SLC11A1: variants seen among roughly 807,000 people sequenced by gnomAD.
SLC11A1 encodes natural resistance-associated macrophage protein 1.
SLC11A1 carries 59 observed loss-of-function variants against 63.2 expected under a neutral mutation model. That is an observed-to-expected ratio of 0.93 (90% confidence interval 0.76 to 1.16). SLC11A1 has a LOEUF of 1.16. Ranked by LOEUF, SLC11A1 falls within the 50% of genes most tolerant of loss-of-function variation. The pLI, the probability that SLC11A1 is intolerant of heterozygous loss-of-function variation, is 0.00. For missense variants in SLC11A1, 688 were observed against 730.7 expected (o/e 0.94, Z 0.67); for synonymous variants, 305 against 307.8 (o/e 0.99, Z 0.09).
At position 218,387,897 on chromosome 2, in the gene SLC11A1, G is replaced by C. The variant is rs1285929688; in HGVS notation, c.737G>C (p.Gly246Ala). ...CGHPELLQAVGIVGAIIMPHN... is the reference protein window; with the variant it reads ...CGHPELLQAVAIVGAIIMPHN... The stretch of plus-strand genomic sequence containing the variant: ...CACCCCGAGCTGCTGCAGGCGGTGG[G>C]CATTGTTGGCGCCATCATCATGCCC... The change falls in exon 8 of 15, where the codon GGC (glycine) becomes GCC (alanine). Residue 246 changes from glycine (G) to alanine (A), a missense_variant. Transcript: ENST00000233202. 6.2e-7 allele frequency: 1 copy of C among 1,606,122 alleles called. No homozygotes were observed. Among genetic ancestry groups the C allele is most frequent in the East Asian group, 2.2e-5 (1 of 44,550 alleles).
chr2:218,391,321 G>A, intron 10 of SLC11A1, 34 bp downstream of exon 10: 3 of 1,614,086 alleles, frequency 1.9e-6, no homozygotes, highest in Non-Finnish European at 2.5e-6. Flanking sequence ...GCGTGACCCA[G>A]AGAGGCTCCC....
chr2:218,387,698 C>G (rs1696180936), intron 7 of SLC11A1, 66 bp downstream of exon 7: 2 of 1,611,986 alleles, frequency 1.2e-6, no homozygotes, highest in African/African-American at 2.7e-5. Context: ...TTCCCTCTGG[C>G]CGCGGGCTGC....
In SLC11A1 at chr2:218,382,869, T is replaced by G. The variant is rs372033068; in HGVS notation, c.8-91T>G. The G allele has an allele frequency of 2.1e-5, 32 of 1,547,280 alleles. No individual in the cohort carries two copies. The African/African-American group carries it at 4.2e-4, about 20-fold the overall frequency. ...CCAGGGACCTTAGTTTCTCCACTTT[T>G]CCGGGAGGAGGAGGGAAAGGATCAG... On this transcript the variant is annotated intron_variant, in intron 1 of 14. Transcript: ENST00000233202.
rs1373298580 is a variant in SLC11A1, at chr2:218,384,546, T to C, written c.273+181T>C. 2 of 447,742 alleles carry C rather than the reference T, an allele frequency of 4.5e-6. No individual in the cohort carries two copies. The highest frequency in any genetic ancestry group is 2.0e-5 in the African/African-American group (1 of 50,060). 27.7% of individuals were successfully genotyped at this position (447,742 alleles called of 1,614,324 possible). Reference sequence around the variant, plus strand: ...GAAGGTGGGGCATTTGTGTGGGGGGTAGGGGACTGGACTCCTCTCTTTAAA... The same window carrying C: ...GAAGGTGGGGCATTTGTGTGGGGGGCAGGGGACTGGACTCCTCTCTTTAAA... On this transcript the variant is annotated intron_variant, in intron 3 of 14. Coordinates refer to ENST00000233202, the MANE Select transcript of SLC11A1 (RefSeq NM_000578.4). The surrounding 1 kb of genome is among the most constrained non-coding windows in gnomAD (Gnocchi z 4.0).
chr2:218,384,243 G>A lies in SLC11A1; in HGVS notation c.151G>A (p.Gly51Ser), dbSNP rs748941673. 1 of 1,593,884 alleles carries A rather than the reference G, an allele frequency of 6.3e-7. No homozygotes were observed. The highest frequency in any genetic ancestry group is 1.3e-5 in the African/African-American group (1 of 74,566). Residue 51 changes from glycine (G) to serine (S), a missense_variant and splice_region_variant, in exon 3 of 15, where the codon GGC (glycine) becomes AGC (serine). Transcript: ENST00000233202. The surrounding 1 kb of genome is among the most constrained non-coding windows in gnomAD (Gnocchi z 4.0). Reference sequence around the variant, plus strand: ...CTCTACTCCTCCCACCCCCCAACAGGGCACCTTCAGCCTGCGGAAGCTATG... The same window carrying A: ...CTCTACTCCTCCCACCCCCCAACAGAGCACCTTCAGCCTGCGGAAGCTATG... ...EKIPIPDTKP[G>S]TFSLRKLWAF... is the part of the protein sequence containing the mutation.
In SLC11A1 at chr2:218,394,120, CTCCCGT is replaced by C. The variant is rs1696610720; in HGVS notation, c.1318_1323del (p.Pro440_Phe441del). ...CCTAGGCTCCTGCTGCTCTCCCCAG[CTCCCGT>C]TCGCCGTGCTGCCCATCCTCACGTT... On this transcript the variant is annotated inframe_deletion and splice_region_variant, in exon 13 of 15. Transcript: ENST00000233202. The C allele has an allele frequency of 6.2e-7, 1 of 1,613,964 alleles. No individual in the cohort carries two copies. Among genetic ancestry groups the C allele is most frequent in the Non-Finnish European group, 8.5e-7 (1 of 1,179,998 alleles).
Position 218,382,316 on chromosome 2 carries a change from G to C in SLC11A1, c.-53G>C. ...GCCCAGAGAGGGGGTGCAGGCTGAG[G>C]AGCTGCCCAGAGCACCGCTCACACT... On this transcript the variant is annotated 5_prime_UTR_variant, in exon 1 of 15. Transcript: ENST00000233202. 6.2e-7 allele frequency: 1 copy of C among 1,608,666 alleles called. No homozygotes were observed. Among genetic ancestry groups the C allele is most frequent in the Non-Finnish European group, 8.5e-7 (1 of 1,176,834 alleles).
At position 218,382,387 on chromosome 2, in the gene SLC11A1, C is replaced by T. The variant is rs765681345; in HGVS notation, c.7+12C>T. Reference sequence around the variant, plus strand: ...CATTTCAATGACAGGTGAGTAGTGGCCCCTAGGGACAGAGCCTGATTGGGG... The same window carrying T: ...CATTTCAATGACAGGTGAGTAGTGGTCCCTAGGGACAGAGCCTGATTGGGG... On this transcript the variant is annotated intron_variant, in intron 1 of 14. Coordinates refer to ENST00000233202, the MANE Select transcript of SLC11A1 (RefSeq NM_000578.4). 22 of 1,613,158 alleles carry T rather than the reference C, an allele frequency of 1.4e-5. No homozygotes were observed. The highest frequency in any genetic ancestry group is 1.7e-5 in the Non-Finnish European group (20 of 1,179,470).
At chr2:218,390,802 C>T (rs1043545038) in intron 9 of SLC11A1, among the ~76,000 whole-genome samples, 4 of 152,156 alleles carry the variant, frequency 2.6e-5, no homozygotes, top group Non-Finnish European at 5.9e-5. Context: ...GATGCCAGCT[C>T]TTACGAACCT....
At position 218,387,618 on chromosome 2, in the gene SLC11A1, A is replaced by C. The variant is rs765983033; in HGVS notation, c.625A>C (p.Thr209Pro). 1 of 1,614,016 alleles carries C rather than the reference A, an allele frequency of 6.2e-7. No individual in the cohort carries two copies. Residue 209 changes from threonine to proline, a missense_variant, in exon 7 of 15, where the codon ACC (threonine) becomes CCC (proline). Transcript: ENST00000233202. ...FGLLITIMAL[T>P]FGYEYVVARP... Reference sequence around the variant, plus strand: ...ACTCCTTATAACCATTATGGCCTTGACCTTTGGCTATGAGGTAGGAAGCCA... The same window carrying C: ...ACTCCTTATAACCATTATGGCCTTGCCCTTTGGCTATGAGGTAGGAAGCCA...
At chr2:218,387,523 T>A in intron 6 of SLC11A1, 42 bp from the exon 7 acceptor site, 3 of 1,607,266 alleles carry the variant, frequency 1.9e-6, no homozygotes, top group Non-Finnish European at 2.6e-6. Flanking sequence ...TGTCACAGAT[T>A]TTTTTCGTTG....
intron 6 of SLC11A1, 106 bp from the exon 7 acceptor site, chr2:218,387,459 C>T (rs1245336325): frequency 8.7e-7 from 1 of 1,149,404 alleles, no homozygotes; most frequent in Non-Finnish European, 1.3e-6. Flanking sequence ...ATATGTTAAG[C>T]ACTTGGCACT....
At chr2:218,392,094 C>G in intron 11 of SLC11A1, 1 of 389,586 alleles carries the variant, frequency 2.6e-6, no homozygotes, top group Non-Finnish European at 5.1e-6. Flanking sequence ...TTTGAGACGG[C>G]GTTTCGCTCT....
rs1559118300 is a variant in SLC11A1 at position 218,386,727 on chromosome 2, G to C, written c.486G>C (p.Leu162=). Residue 162 remains leucine (L), a synonymous_variant, in exon 5 of 15, where the codon CTG becomes CTC. Transcript: ENST00000233202. ...TCGGCACGGCCATTGCATTCAATCT[G>C]CTCTCAGCTGGACGGTACCACCCCA... is the stretch of plus-strand genomic sequence containing the variant. The part of the protein sequence containing the change: ...EVIGTAIAFN[L]LSAGRIPLWG... 2 of 1,613,672 alleles carry C rather than the reference G, an allele frequency of 1.2e-6. No individual in the cohort carries two copies. The highest frequency in any genetic ancestry group is 2.2e-5 in the East Asian group (1 of 44,868).
At position 218,387,542 on chromosome 2, in the gene SLC11A1, AGTTT is replaced by A. The variant is rs780532947; in HGVS notation, c.572-15_572-12del. The A allele has an allele frequency of 3.1e-5, 50 of 1,611,668 alleles. No individual in the cohort carries two copies. In the Middle Eastern group the frequency reaches 8.2e-4, roughly 27 times the overall value. On this transcript the variant is annotated intron_variant, in intron 6 of 14. Coordinates refer to ENST00000233202, the MANE Select transcript of SLC11A1 (RefSeq NM_000578.4). ...ACAGATTTTTTTCGTTGGTTTGTTT[AGTTT>A]GTTTGTTCTGCTCCGTAGGGCTGCG...
In SLC11A1 at chr2:218,394,196, G is replaced by GC; in HGVS notation, c.1388+3_1388+4insC. 1 of 1,613,996 alleles carries GC rather than the reference G, an allele frequency of 6.2e-7. No homozygotes were observed. On this transcript the variant is annotated splice_donor_region_variant and intron_variant, in intron 13 of 14. Coordinates refer to ENST00000233202, the MANE Select transcript of SLC11A1 (RefSeq NM_000578.4). ...ATGCAGGAGTTTGCCAATGGCCTGT[G>GC]AGTACCCCCTTTCCCAAGTGCTGGA...
intron 11 of SLC11A1, chr2:218,391,878 C>T: frequency 7.5e-6 from 2 of 265,096 alleles, no homozygotes; most frequent in South Asian, 3.5e-5. Flanking sequence ...CTGCCTTGGC[C>T]TCCCAAAGTG....
intron 11 of SLC11A1, chr2:218,392,099 C>T (rs1239917413): frequency 7.4e-6 from 3 of 403,624 alleles, no homozygotes; most frequent in Admixed American, 2.7e-5. Flanking sequence ...GACGGCGTTT[C>T]GCTCTTATTG....
chr2:218,391,178 T>C lies in SLC11A1; in HGVS notation c.955-20T>C. On this transcript the variant is annotated intron_variant, in intron 9 of 14. Coordinates refer to ENST00000233202, the MANE Select transcript of SLC11A1 (RefSeq NM_000578.4). ...GAGCGTGCTCCTCACATCTTCCTTC[T>C]ACTGCCCTGGTACCCACAGTTCAAC... 1.2e-6 allele frequency: 2 copies of C among 1,611,086 alleles called. No homozygotes were observed.
Sources: gnomAD v4.1 joint callset for allele counts (sites outside exome capture counted in the v4.1 genomes callset) on GRCh38, gnomAD v4.1.1 for gene constraint, Gnocchi (gnomAD v3.1) non-coding constraint, MANE v1.5 for transcripts, NCBI Gene and HGNC (gene_info 2026-07-23, HGNC 2026-07-21) for gene names.